The following GLS2 variants were observed in gnomAD, a reference collection of about 807,000 sequenced individuals.
GLS2 encodes the protein glutaminase liver isoform, mitochondrial.
Under a neutral mutation model 79.0 loss-of-function variants are expected in GLS2, and 52 were observed. The observed-to-expected ratio is 0.66, with a 90% confidence interval of 0.53 to 0.83. GLS2 has a LOEUF of 0.83. GLS2 is among the 40% of genes least tolerant of loss of function. The pLI is 0.00. For missense variants in GLS2, 561 were observed against 764.8 expected (o/e 0.73, Z 3.14); for synonymous variants, 238 against 280.8 (o/e 0.85, Z 1.52).
chr12:56,473,037 G>C (rs549521174), intron 14 of GLS2, 191 bp downstream of exon 14: 35 of 608,414 alleles, frequency 5.8e-5, no homozygotes, highest in African/African-American at 5.7e-4. Flanking sequence ...CCACAGGCGC[G>C]TGCCACCACG....
rs145666748 is a variant in GLS2, at chr12:56,474,299, G to A, written c.1224+245C>T. The A allele has an allele frequency of 4.2e-3, 2,062 of 493,210 alleles. 8 individuals are homozygous for A. Among genetic ancestry groups the A allele is most frequent in the Non-Finnish European group, 6.2e-3 (1,672 of 271,580 alleles). The allele number at this position is 493,210 out of a possible 1,614,324, so 30.6% of individuals were successfully genotyped here. A position where few individuals can be genotyped will look rare whatever the true frequency, so the allele number is the denominator to read the frequency against. ...AGATGGGGTTTCACCATGTAGGTCA[G>A]GCTGGTCTCGAACTCCTGACCTCAG... On this transcript the variant is annotated intron_variant, in intron 12 of 17. Coordinates refer to ENST00000311966, the MANE Select transcript of GLS2 (RefSeq NM_013267.4).
chr12:56,474,451 G>A, intron 12 of GLS2, 93 bp downstream of exon 12: 5 of 1,502,764 alleles, frequency 3.3e-6, no homozygotes, highest in Non-Finnish European at 3.6e-6. Context: ...ATGAGAGGCA[G>A]GAACAAGCTT....
chr12:56,487,133 C>T (rs1476956485), intron 1 of GLS2, among the ~76,000 whole-genome samples: 1 of 152,168 alleles, frequency 6.6e-6, no homozygotes, highest in Admixed American at 6.6e-5. Context: ...TATGCTGGCC[C>T]TCTGGGGAGG....
At position 56,483,391 on chromosome 12, in the gene GLS2, TTAGTAA is replaced by T. The variant is rs1230946570; in HGVS notation, c.183-3010_183-3005del. Among the ~76,000 whole-genome samples the T allele has an allele frequency of 9.2e-5, 14 of 152,202 alleles. No homozygotes were observed. In the South Asian group the frequency reaches 1.9e-3, roughly 20 times the overall value. On this transcript the variant is annotated intron_variant, in intron 1 of 17. Coordinates refer to ENST00000311966, the MANE Select transcript of GLS2 (RefSeq NM_013267.4). ...ACCGCGCCCGGCCCTCATCACACTG[TTAGTAA>T]TAGTAAGATTAGAAACAACTTGATG...
Position 56,478,077 on chromosome 12 carries a change from T to C in GLS2, c.634A>G (p.Lys212Glu). ...DGQRHSVGHT[K>E]IPFCLQSCVK... ...CAGGACTGCAGGCAGAAGGGGATCT[T>C]TGTGTGGCCCACAGAGTGCCTGGAG... The change falls in exon 6 of 18, where the codon AAG (lysine) becomes GAG (glutamate). Residue 212 changes from lysine to glutamate, a missense_variant. Around this residue, in one of 4 missense-constraint regions of GLS2, gnomAD observed 221 missense variants for 275.6 expected, o/e 0.80. Transcript: ENST00000311966. 1 of 1,614,118 alleles carries C rather than the reference T, an allele frequency of 6.2e-7. No individual in the cohort carries two copies. Among genetic ancestry groups the C allele is most frequent in the Non-Finnish European group, 8.5e-7 (1 of 1,179,982 alleles).
chr12:56,472,457 C>T lies in GLS2; in HGVS notation c.1511+233G>A, dbSNP rs566994691. The T allele has an allele frequency of 7.1e-5, 43 of 605,788 alleles. No individual in the cohort carries two copies. The African/African-American group carries it at 7.6e-4, about 11-fold the overall frequency. 37.5% of individuals were successfully genotyped at this position (605,788 alleles called of 1,614,324 possible). A position where few individuals can be genotyped will look rare whatever the true frequency, so the allele number is the denominator to read the frequency against. ...CCCATTTGAGGCAGGGTACCTACTT[C>T]CTAGGACACTGCTCTTAACACTCAA... On this transcript the variant is annotated intron_variant, in intron 15 of 17. Transcript: ENST00000311966.
At chr12:56,473,021 C>G (rs1869445674) in intron 14 of GLS2, 1 of 600,976 alleles carries the variant, frequency 1.7e-6, no homozygotes, top group Non-Finnish European at 2.9e-6. Flanking sequence ...TCCCAAGTAG[C>G]TGGGACCACA....
intron 4 of GLS2, 21 bp from the exon 5 acceptor site, chr12:56,478,283 A>G (rs1243716933): frequency 6.2e-7 from 1 of 1,611,204 alleles, no homozygotes; most frequent in Non-Finnish European, 8.5e-7. Context: ...GTGGGTAGAG[A>G]AAAGGGAGAT....
At chr12:56,478,137 T>TG (rs767268043) in intron 5 of GLS2, 41 bp from the exon 6 acceptor site, 910 of 1,614,000 alleles carry the variant, frequency 5.6e-4, no homozygotes, top group Non-Finnish European at 4.5e-4. Context: ...TGGCCTGTGT[T>TG]CGGCACCTGT....
At chr12:56,481,757 G>A (rs2032590914) in intron 1 of GLS2, among the ~76,000 whole-genome samples, 1 of 150,806 alleles carries the variant, frequency 6.6e-6, no homozygotes, top group Admixed American at 6.6e-5. Flanking sequence ...CGGGCATAGT[G>A]GCATCTGCCT....
chr12:56,475,899 T>C (rs1307937516), intron 8 of GLS2, 46 bp downstream of exon 8: 4 of 1,606,754 alleles, frequency 2.5e-6, no homozygotes, highest in Non-Finnish European at 3.4e-6. Flanking sequence ...GAGGACAGCA[T>C]GCCATGGCGA....
intron 1 of GLS2, 125 bp downstream of exon 1, chr12:56,487,812 C>A: frequency 8.6e-7 from 1 of 1,156,102 alleles, no homozygotes; most frequent in Non-Finnish European, 1.2e-6. Flanking sequence ...GAAAAGGCAC[C>A]GAGGGCTAGT....
At chr12:56,487,093 C>T (rs1870750749) in intron 1 of GLS2, among the ~76,000 whole-genome samples, 1 of 152,264 alleles carries the variant, frequency 6.6e-6, no homozygotes, top group Non-Finnish European at 1.5e-5. Flanking sequence ...GTTCCTGCTA[C>T]AGTAGAGCAG....
At position 56,472,215 on chromosome 12, in the gene GLS2, A is replaced by G; in HGVS notation, c.1512-20T>C. Reference sequence around the variant, plus strand: ...GCAAACCTGAGGGTAGTGGGAAAGCAGCTAGAGTTGCCTAGATCAGACTGG... The same window carrying G: ...GCAAACCTGAGGGTAGTGGGAAAGCGGCTAGAGTTGCCTAGATCAGACTGG... On this transcript the variant is annotated intron_variant, in intron 15 of 17. Coordinates refer to ENST00000311966, the MANE Select transcript of GLS2 (RefSeq NM_013267.4). The G allele has an allele frequency of 1.9e-6, 3 of 1,611,584 alleles. No homozygotes were observed. The highest frequency in any genetic ancestry group is 2.5e-6 in the Non-Finnish European group (3 of 1,177,666).
At chr12:56,474,168 G>A in intron 12 of GLS2, 1 of 258,272 alleles carries the variant, frequency 3.9e-6, no homozygotes, top group Non-Finnish European at 7.5e-6. Context: ...TCTCGGCTCA[G>A]TGCAACCTCT....
Position 56,472,694 on chromosome 12 carries a change from G to T in GLS2, c.1507C>A (p.Arg503=). ...AAYSGDVSAL[R]RFALSAMDME... ...ATTTGGTCACAGTAGCATTACCTTC[G>T]AAGAGCTGAGACATCGCCACTATAG... is the stretch of plus-strand genomic sequence containing the variant. Residue 503 remains arginine (R), a synonymous_variant, in exon 15 of 18, where the codon CGA becomes AGA. Transcript: ENST00000311966. 6.2e-7 allele frequency: 1 copy of T among 1,613,466 alleles called. No homozygotes were observed.
intron 4 of GLS2, 94 bp downstream of exon 4, chr12:56,478,958 C>T (rs1257600896): frequency 3.0e-5 from 44 of 1,482,346 alleles, no homozygotes; most frequent in East Asian, 6.9e-5. Flanking sequence ...CACTCCAGCC[C>T]GGGTGACAGA....
chr12:56,475,617 G>T lies in GLS2; in HGVS notation c.929+7C>A. 6.2e-7 allele frequency: 1 copy of T among 1,613,920 alleles called. No homozygotes were observed. Among genetic ancestry groups the T allele is most frequent in the South Asian group, 1.1e-5 (1 of 91,072 alleles). ...GCTTTCAGTCAGTCCTCTGAGTAGG[G>T]ACTTACGTGGCATTGCTGAAACCCA... On this transcript the variant is annotated splice_region_variant and intron_variant, in intron 9 of 17. Coordinates refer to ENST00000311966, the MANE Select transcript of GLS2 (RefSeq NM_013267.4).
chr12:56,487,642 A>G, intron 1 of GLS2: 1 of 483,268 alleles, frequency 2.1e-6, no homozygotes, highest in Non-Finnish European at 3.6e-6. Context: ...CCCTGCACTC[A>G]GACACGTGAG....
Sources: allele counts gnomAD v4.1 joint callset (sites outside exome capture counted in the v4.1 genomes callset), GRCh38; gene constraint gnomAD v4.1.1; regional missense constraint gnomAD v4.1.1; transcripts MANE v1.5; gene names NCBI Gene and HGNC (gene_info 2026-07-23, HGNC 2026-07-21).